Variants in DOK5 observed in about 807,000 individuals in gnomAD.
DOK5 encodes the protein downstream of tyrosine kinase 5.
Under a neutral mutation model 43.3 loss-of-function variants are expected in DOK5, and 27 were observed. That is an observed-to-expected ratio of 0.62 (90% CI 0.46 to 0.86). The LOEUF (loss-of-function observed/expected upper bound fraction) is 0.86. Among genes scored for constraint, DOK5 ranks in the 40% least tolerant of loss-of-function variants. The pLI is 0.00. For missense variants in DOK5, 373 were observed against 392.9 expected, an observed-to-expected ratio of 0.95 and a Z score of 0.43; for synonymous variants, 146 against 140.1, an observed-to-expected ratio of 1.04 and a Z score of -0.30.
intron 1 of DOK5, among the ~76,000 whole-genome samples, chr20:54,490,046 G>A (rs557961635): frequency 6.6e-6 from 1 of 152,142 alleles, no homozygotes; most frequent in Non-Finnish European, 1.5e-5. Flanking sequence ...CCTAACTTGT[G>A]GCTGAGTTTC....
At chr20:54,543,160 A>G (rs1264919995) in intron 1 of DOK5, among the ~76,000 whole-genome samples, 1 of 152,250 alleles carries the variant, frequency 6.6e-6, no homozygotes, top group Non-Finnish European at 1.5e-5. Flanking sequence ...ATACAAATGT[A>G]GAATGAAGAT....
chr20:54,552,690 C>CT (rs1295816349), intron 1 of DOK5, among the ~76,000 whole-genome samples: 2 of 152,038 alleles, frequency 1.3e-5, no homozygotes, highest in Non-Finnish European at 2.9e-5. Flanking sequence ...TAATCCCTGA[C>CT]TTTTTTATTG....
intron 6 of DOK5, among the ~76,000 whole-genome samples, chr20:54,624,586 A>G (rs543636377): frequency 6.6e-6 from 1 of 152,254 alleles, no homozygotes; most frequent in African/African-American, 2.4e-5. Flanking sequence ...CACAGGTTCC[A>G]GGCAAGTCTG....
intron 1 of DOK5, among the ~76,000 whole-genome samples, chr20:54,515,017 A>ATT (rs573019374): frequency 1.3e-4 from 19 of 148,658 alleles, no homozygotes; most frequent in African/African-American, 4.4e-4. Context: ...ATTAGTTATA[A>ATT]TTTTTTTTTT....
At chr20:54,560,655 T>C (rs2146735441) in intron 2 of DOK5, among the ~76,000 whole-genome samples, 1 of 152,282 alleles carries the variant, frequency 6.6e-6, no homozygotes, top group East Asian at 1.9e-4. Flanking sequence ...AGTTTTGCTC[T>C]TGTTGCCCAG....
intron 1 of DOK5, among the ~76,000 whole-genome samples, chr20:54,481,644 T>C (rs2146656992): frequency 6.6e-6 from 1 of 152,278 alleles, no homozygotes; most frequent in South Asian, 2.1e-4. Flanking sequence ...ATCATAGCTG[T>C]CCCCCAGTGC....
At chr20:54,644,173 T>C (rs1307253224) in intron 7 of DOK5, among the ~76,000 whole-genome samples, 2 of 152,218 alleles carry the variant, frequency 1.3e-5, no homozygotes, top group African/African-American at 4.8e-5. Flanking sequence ...TCAGGTTTGC[T>C]GAATGACTTT....
chr20:54,536,959 G>C (rs554554158), intron 1 of DOK5, among the ~76,000 whole-genome samples: 2 of 152,294 alleles, frequency 1.3e-5, no homozygotes, highest in East Asian at 3.9e-4. Flanking sequence ...TGCTCAGTAG[G>C]AATGAGGTGC....
intron 1 of DOK5, 137 bp from the exon 2 acceptor site, chr20:54,554,796 A>G (rs1176159473): frequency 9.8e-6 from 6 of 612,154 alleles, no homozygotes; most frequent in Non-Finnish European, 1.7e-5. Context: ...TTTGATTTTT[A>G]AAACTTTATT....
chr20:54,496,731 A>C (rs1481703174), intron 1 of DOK5, among the ~76,000 whole-genome samples: 3 of 142,892 alleles, frequency 2.1e-5, no homozygotes, highest in Admixed American at 7.5e-5. Context: ...GCACCACTGC[A>C]CTCCAGGCTG....
intron 7 of DOK5, 65 bp from the exon 8 acceptor site, chr20:54,650,350 C>T: frequency 6.6e-7 from 1 of 1,516,426 alleles, no homozygotes; most frequent in South Asian, 1.2e-5. Flanking sequence ...AAAGTTGTTG[C>T]CACCTAATTT....
At chr20:54,502,740 T>C (rs923800100) in intron 1 of DOK5, among the ~76,000 whole-genome samples, 1 of 152,218 alleles carries the variant, frequency 6.6e-6, no homozygotes, top group Non-Finnish European at 1.5e-5. Flanking sequence ...CAAAAAGCTC[T>C]TTTAATTATT....
chr20:54,649,064 G>C (rs972632323), intron 7 of DOK5, among the ~76,000 whole-genome samples: 3 of 152,224 alleles, frequency 2.0e-5, no homozygotes, highest in Non-Finnish European at 4.4e-5. Context: ...AAATCAAAGA[G>C]TGGCACTAAA....
At chr20:54,555,155 A>T (rs1226065739) in intron 2 of DOK5, 115 bp downstream of exon 2, 1 of 675,908 alleles carries the variant, frequency 1.5e-6, no homozygotes, top group Non-Finnish European at 2.6e-6. Flanking sequence ...ATCTTTTCCA[A>T]GGACAAAACA....
chr20:54,496,632 G>A (rs1237761121), intron 1 of DOK5, among the ~76,000 whole-genome samples: 1 of 151,960 alleles, frequency 6.6e-6, no homozygotes, highest in Non-Finnish European at 1.5e-5. Context: ...TGGGCGTGGT[G>A]GCAGGCGCCT....
intron 6 of DOK5, among the ~76,000 whole-genome samples, chr20:54,615,899 CAA>C (rs71196458): frequency 6.9e-6 from 1 of 144,790 alleles, no homozygotes. Flanking sequence ...GACTCCATCT[CAA>C]AAAAAAAAAG....
intron 7 of DOK5, among the ~76,000 whole-genome samples, chr20:54,643,954 G>A (rs1383509785): frequency 6.6e-6 from 1 of 152,170 alleles, no homozygotes; most frequent in Admixed American, 6.5e-5. Flanking sequence ...GTAGTGGACT[G>A]ATGAATCACA....
chr20:54,563,981 G>C (rs1488427196), intron 2 of DOK5, among the ~76,000 whole-genome samples: 5 of 151,946 alleles, frequency 3.3e-5, no homozygotes. Context: ...ATACTTAGTA[G>C]GTCTACTATT....
chr20:54,484,780 A>C (rs1981863328), intron 1 of DOK5, among the ~76,000 whole-genome samples: 1 of 152,078 alleles, frequency 6.6e-6, no homozygotes, highest in Non-Finnish European at 1.5e-5. Context: ...TTGGGAGGCC[A>C]AGGCAGAAGG....
Sources: gnomAD v4.1 joint callset for allele counts (sites outside exome capture counted in the v4.1 genomes callset) on GRCh38, gnomAD v4.1.1 for gene constraint, MANE v1.5 for transcripts, NCBI Gene and HGNC (gene_info 2026-07-23, HGNC 2026-07-21) for gene names.